Variants in PHIP observed in about 807,000 individuals in gnomAD.
PHIP encodes the protein PH-interacting protein.
PHIP carries 54 observed loss-of-function variants against 236.8 expected under a neutral mutation model. The ratio of observed to expected loss-of-function variants is 0.23; its 90% CI spans 0.18 to 0.29. The LOEUF (loss-of-function observed/expected upper bound fraction) is 0.29, where lower values mean the gene tolerates loss of function less well. PHIP is among the 10% of genes least tolerant of loss of function. The pLI is 1.00. For missense variants in PHIP, 1,370 were observed against 2,190.8 expected, an observed-to-expected ratio of 0.63 and a Z score of 7.48; for synonymous variants, 756 against 718.9, an observed-to-expected ratio of 1.05 and a Z score of -0.83.
At position 78,940,806 on chromosome 6, in the gene PHIP, C is replaced by T. The variant is rs1429857426; in HGVS notation, c.5353G>A (p.Glu1785Lys). ...TCGAACAACAGCTGCCTTTGCTCCT[C>T]TTCAGAGTCATCCTCATTATAGAAA... ...TAFYNEDDSE[E>K]EQRQLLFEDT... is the part of the protein sequence containing the mutation. Residue 1785 changes from glutamate (E) to lysine (K), a missense_variant, in exon 40 of 40, where the codon GAG becomes AAG. By Grantham distance (56) the Glu-to-Lys change is moderately conservative. Coordinates refer to ENST00000275034, the MANE Select transcript of PHIP (RefSeq NM_017934.7). 1 of 1,613,940 alleles carries T rather than the reference C, an allele frequency of 6.2e-7. No individual in the cohort carries two copies. The highest frequency in any genetic ancestry group is 1.7e-5 in the Admixed American group (1 of 60,012).
chr6:78,955,679 A>T lies in PHIP; in HGVS notation c.3786T>A (p.Asp1262Glu). Residue 1262 changes from aspartate to glutamate, a missense_variant, in exon 33 of 40, where the codon GAT becomes GAA. Around this residue, in one of 14 missense-constraint regions of PHIP, gnomAD observed 38 missense variants for 27.6 expected, o/e 1.38. Transcript: ENST00000275034. ...GTGGAATTATGTTATAACAAGTCTG[A>T]TCCCTACATAACAAGGAAATGTTAA... ...VTDLLLHFIK[D>E]QTCYNIIPLY... The T allele has an allele frequency of 9.9e-7, 1 of 1,005,656 alleles. No homozygotes were observed. 62.3% of individuals were successfully genotyped at this position (1,005,656 alleles called of 1,614,324 possible).
intron 24 of PHIP, among the ~76,000 whole-genome samples, chr6:78,971,731 A>G (rs1454567359): frequency 2.0e-5 from 3 of 152,068 alleles, no homozygotes; most frequent in Non-Finnish European, 4.4e-5. Context: ...ACAGGGAGTC[A>G]GGGAGTTCCC....
chr6:78,998,418 G>A (rs752510641), intron 17 of PHIP, 27 bp from the exon 18 acceptor site: 20 of 1,596,414 alleles, frequency 1.3e-5, no homozygotes, highest in South Asian at 1.1e-4. Flanking sequence ...AAAATATTAC[G>A]AATATTTTAG....
At chr6:78,945,823 A>C in intron 38 of PHIP, 178 bp downstream of exon 38, 1 of 619,022 alleles carries the variant, frequency 1.6e-6, no homozygotes, top group Non-Finnish European at 2.8e-6. Flanking sequence ...TAATGACCTA[A>C]ACCTCAATTT....
intron 17 of PHIP, among the ~76,000 whole-genome samples, chr6:78,998,615 A>T (rs545157032): frequency 1.3e-5 from 2 of 152,258 alleles, no homozygotes; most frequent in South Asian, 4.1e-4. Flanking sequence ...AACTTTTACT[A>T]AGTGTTTATC....
chr6:78,951,033 A>G (rs1346631299), intron 35 of PHIP, among the ~76,000 whole-genome samples: 1 of 152,130 alleles, frequency 6.6e-6, no homozygotes, highest in Non-Finnish European at 1.5e-5. Flanking sequence ...AAATTTTGAT[A>G]TACTGAATTT....
At chr6:78,977,693 T>C (rs1362348967) in intron 24 of PHIP, among the ~76,000 whole-genome samples, 1 of 152,118 alleles carries the variant, frequency 6.6e-6, no homozygotes, top group Admixed American at 6.5e-5. Context: ...ATGTATTAAA[T>C]ATAATTTCAC....
Position 78,947,846 on chromosome 6 carries a change from G to A in PHIP, c.4054-71C>T, listed in dbSNP as rs755240144. ...GCATCACTTCTCAGTGCAGGGATTC[G>A]CACAGGATTTTTATGATGACTGCAA... On this transcript the variant is annotated intron_variant, in intron 35 of 39. Coordinates refer to ENST00000275034, the MANE Select transcript of PHIP (RefSeq NM_017934.7). 3.8e-5 allele frequency: 40 copies of A among 1,058,536 alleles called. No homozygotes were observed. In the South Asian group the frequency reaches 4.1e-4, roughly 11 times the overall value. 65.6% of individuals were successfully genotyped at this position (1,058,536 alleles called of 1,614,324 possible).
At position 79,004,177 on chromosome 6, in the gene PHIP, C is replaced by T. The variant is rs1306689419; in HGVS notation, c.1525-319G>A. Among the ~76,000 whole-genome samples, 6 of 152,056 alleles carry T rather than the reference C, an allele frequency of 3.9e-5. No homozygotes were observed. In the East Asian group the frequency reaches 1.2e-3, roughly 29 times the overall value. ...ATTATGTCTTACACTCCATCTATCT[C>T]CGTTCAATCATGCCCTTTCTGCAAA... On this transcript the variant is annotated intron_variant, in intron 15 of 39. Transcript: ENST00000275034.
chr6:79,060,889 T>C, intron 4 of PHIP, 71 bp from the exon 5 acceptor site: 3 of 1,051,102 alleles, frequency 2.9e-6, no homozygotes, highest in Middle Eastern at 2.1e-4. Context: ...TGAGCAACAA[T>C]AAAAAAATTC....
rs139196066 is a variant in PHIP, at chr6:79,039,415, T to G, written c.600+3428A>C. Reference sequence around the variant, plus strand: ...CTGTTACTTCTCTAGTAAATTTCCCTTACCATCTCCTACCACAAGGTTGGA... The same window carrying G: ...CTGTTACTTCTCTAGTAAATTTCCCGTACCATCTCCTACCACAAGGTTGGA... On this transcript the variant is annotated intron_variant, in intron 7 of 39. Transcript: ENST00000275034. Among the ~76,000 whole-genome samples the G allele has an allele frequency of 3.8e-4, 58 of 151,228 alleles. 1 individual carries two copies. In the East Asian group the frequency reaches 5.1e-3, roughly 13 times the overall value.
chr6:79,028,911 T>C (rs1771528134), intron 7 of PHIP, among the ~76,000 whole-genome samples: 1 of 152,180 alleles, frequency 6.6e-6, no homozygotes, highest in African/African-American at 2.4e-5. Flanking sequence ...GACCAAAATG[T>C]CAGTTTTAAT....
intron 24 of PHIP, among the ~76,000 whole-genome samples, chr6:78,978,053 T>C (rs1423972265): frequency 1.3e-5 from 2 of 152,118 alleles, no homozygotes; most frequent in African/African-American, 4.8e-5. Context: ...GACCAGTTCT[T>C]ACATTTTCAT....
intron 7 of PHIP, among the ~76,000 whole-genome samples, chr6:79,033,639 G>A (rs2127753585): frequency 6.6e-6 from 1 of 152,278 alleles, no homozygotes; most frequent in South Asian, 2.1e-4. Context: ...GCTTAAAAGA[G>A]TATTGTGGCT....
rs1025195719 is a variant in PHIP at position 78,938,066 on chromosome 6, T to TAAAGA, written c.*2622_*2626dup. The TAAAGA allele has an allele frequency of 6.6e-6, 1 of 151,712 alleles. No individual in the cohort carries two copies. Among genetic ancestry groups the TAAAGA allele is most frequent in the African/African-American group, 2.4e-5 (1 of 41,420 alleles). The allele number at this position is 151,712 out of a possible 1,614,324, so 9.4% of individuals were successfully genotyped here. A position where few individuals can be genotyped will look rare whatever the true frequency, so the allele number is the denominator to read the frequency against. On this transcript the variant is annotated 3_prime_UTR_variant, in exon 40 of 40. Coordinates refer to ENST00000275034, the MANE Select transcript of PHIP (RefSeq NM_017934.7). ...CAAAGAGGATTATTTTCCCAAGTGGTAAAGAAAACAAAAATATGGTGATGA... is the reference window on the plus strand; with the variant it reads ...CAAAGAGGATTATTTTCCCAAGTGGTAAAGAAAAGAAAACAAAAATATGGTGATGA...
chr6:78,986,775 CCA>C (rs1441695269), intron 21 of PHIP, among the ~76,000 whole-genome samples: 31 of 152,048 alleles, frequency 2.0e-4, no homozygotes, highest in African/African-American at 7.5e-4. Flanking sequence ...TATGTCTATT[CCA>C]CAGTTATGAA....
chr6:78,973,431 A>T (rs1767773158), intron 24 of PHIP, among the ~76,000 whole-genome samples: 1 of 146,372 alleles, frequency 6.8e-6, no homozygotes, highest in Non-Finnish European at 1.5e-5. Flanking sequence ...TCATGCCAAA[A>T]TGTAAAGACC....
intron 12 of PHIP, 114 bp from the exon 13 acceptor site, chr6:79,016,756 T>G: frequency 1.6e-6 from 1 of 609,432 alleles, no homozygotes; most frequent in Non-Finnish European, 2.9e-6. Context: ...TTATGCAGCA[T>G]TCTAATAACT....
At chr6:78,971,333 T>C (rs144688159) in intron 24 of PHIP, among the ~76,000 whole-genome samples, 1 of 152,352 alleles carries the variant, frequency 6.6e-6, no homozygotes, top group East Asian at 1.9e-4. Context: ...CATACATTTA[T>C]CCACATTTCA....
Sources: allele counts gnomAD v4.1 joint callset (sites outside exome capture counted in the v4.1 genomes callset), GRCh38; gene constraint gnomAD v4.1.1; regional missense constraint gnomAD v4.1.1; transcripts MANE v1.5; gene names NCBI Gene and HGNC (gene_info 2026-07-23, HGNC 2026-07-21).